Variants in SCP2 observed in about 807,000 individuals in gnomAD.
The protein encoded by SCP2 is sterol carrier protein 2.
SCP2 carries 48 observed loss-of-function variants against 71.4 expected under a neutral mutation model. The observed-to-expected ratio is 0.67, with a 90% CI of 0.53 to 0.86. The LOEUF (loss-of-function observed/expected upper bound fraction) is 0.86, where lower values mean the gene tolerates loss of function less well. Ranked by LOEUF, SCP2 falls within the 40% of genes least tolerant of loss-of-function variation. The pLI, the probability that SCP2 is intolerant of heterozygous loss-of-function variation, is 0.00. For missense variants in SCP2, 560 were observed against 655.6 expected, an observed-to-expected ratio of 0.85 and a Z score of 1.59; for synonymous variants, 220 against 218.1, an observed-to-expected ratio of 1.01 and a Z score of -0.08.
At chr1:52,937,129 A>G (rs1331032708) in intron 1 of SCP2, among the ~76,000 whole-genome samples, 3 of 152,118 alleles carry the variant, frequency 2.0e-5, no homozygotes, top group Non-Finnish European at 4.4e-5. Flanking sequence ...GTGGCAGAAA[A>G]GGTCTGATCC....
intron 13 of SCP2, among the ~76,000 whole-genome samples, chr1:53,036,130 T>C (rs1046839206): frequency 6.6e-6 from 1 of 150,928 alleles, no homozygotes; most frequent in Non-Finnish European, 1.5e-5. Context: ...CTTTTACAAT[T>C]AAAGACTATA....
intron 14 of SCP2, among the ~76,000 whole-genome samples, chr1:53,047,627 T>C (rs1332730666): frequency 1.3e-5 from 2 of 152,254 alleles, no homozygotes; most frequent in African/African-American, 4.8e-5. Flanking sequence ...ACCTCACTAT[T>C]TGAATATACC....
chr1:52,960,480 ATGTGTGTGTG>A (rs71044447), intron 5 of SCP2, among the ~76,000 whole-genome samples: 144 of 139,596 alleles, frequency 1.0e-3, no homozygotes, highest in Middle Eastern at 3.6e-3. Context: ...TACTATGTAT[ATGTGTGTGTG>A]TGTGTGTGTG....
chr1:52,970,815 A>G (rs79298642), intron 6 of SCP2, among the ~76,000 whole-genome samples: 1 of 149,974 alleles, frequency 6.7e-6, no homozygotes, highest in Admixed American at 6.6e-5. Flanking sequence ...TTGGTCTTAT[A>G]TATTTTTTCT....
intron 12 of SCP2, among the ~76,000 whole-genome samples, chr1:53,016,498 T>C (rs1027298756): frequency 1.3e-5 from 2 of 152,122 alleles, no homozygotes; most frequent in African/African-American, 4.8e-5. Flanking sequence ...CCTCTAAATA[T>C]ATGGGGAAGG....
At chr1:53,020,229 C>T (rs1661624213) in intron 12 of SCP2, among the ~76,000 whole-genome samples, 1 of 151,984 alleles carries the variant, frequency 6.6e-6, no homozygotes, top group South Asian at 2.1e-4. Flanking sequence ...CCTTAATCAA[C>T]TTTTTGATCA....
intron 11 of SCP2, chr1:52,993,652 C>T (rs1004309783): frequency 1.2e-6 from 2 of 1,612,400 alleles, no homozygotes; most frequent in Admixed American, 1.7e-5. Context: ...TCACACACTG[C>T]TTTGTGTAAG....
At chr1:52,950,921 C>T in intron 4 of SCP2, 35 bp downstream of exon 4, 2 of 1,599,330 alleles carry the variant, frequency 1.3e-6, no homozygotes, top group Non-Finnish European at 1.7e-6. Context: ...TTAAATATTG[C>T]CCCATTTTAA....
At chr1:52,977,014 G>T (rs1385113619) in intron 8 of SCP2, among the ~76,000 whole-genome samples, 1 of 152,092 alleles carries the variant, frequency 6.6e-6, no homozygotes, top group Non-Finnish European at 1.5e-5. Flanking sequence ...TACCTACTTT[G>T]GTGATTGCAA....
At chr1:52,946,038 C>T (rs1042846217) in intron 2 of SCP2, among the ~76,000 whole-genome samples, 2 of 151,494 alleles carry the variant, frequency 1.3e-5, no homozygotes, top group African/African-American at 2.4e-5. Context: ...AAGCAATCCT[C>T]CTACCTCAGC....
At chr1:53,046,543 G>A (rs1369875972) in intron 14 of SCP2, among the ~76,000 whole-genome samples, 1 of 151,996 alleles carries the variant, frequency 6.6e-6, no homozygotes, top group Non-Finnish European at 1.5e-5. Context: ...TGAGCAGTAG[G>A]AGTTCTTTTT....
At chr1:52,988,779 G>A (rs371175196) in intron 11 of SCP2, among the ~76,000 whole-genome samples, 16 of 150,652 alleles carry the variant, frequency 1.1e-4, no homozygotes, top group South Asian at 8.4e-4. Context: ...CCTGCCTCCC[G>A]GGTTCAAGCC....
At chr1:53,031,125 C>A (rs1266879405) in intron 13 of SCP2, among the ~76,000 whole-genome samples, 1 of 151,992 alleles carries the variant, frequency 6.6e-6, no homozygotes, top group Non-Finnish European at 1.5e-5. Context: ...TTTATTTCAA[C>A]CCTATTCCAT....
Position 53,015,045 on chromosome 1 carries a change from TG to T in SCP2, c.1235+3del. On this transcript the variant is annotated splice_donor_region_variant and intron_variant, in intron 12 of 15. Coordinates refer to ENST00000371514, the MANE Select transcript of SCP2 (RefSeq NM_002979.5). ...GATGGGTTTTCCGGAAGCCGCCAGG[TG>T]AGTGACATTCAGAGTTTTGTGTGTC... 6.2e-7 allele frequency: 1 copy of T among 1,613,956 alleles called. No homozygotes were observed. Among genetic ancestry groups the T allele is most frequent in the Non-Finnish European group, 8.5e-7 (1 of 1,179,818 alleles).
chr1:53,019,889 A>C (rs1244909728), intron 12 of SCP2, among the ~76,000 whole-genome samples: 1 of 152,052 alleles, frequency 6.6e-6, no homozygotes, highest in African/African-American at 2.4e-5. Flanking sequence ...TACCGGAGAC[A>C]GATTTTTGTT....
At chr1:52,927,740 A>G (rs1652599060) in intron 1 of SCP2, among the ~76,000 whole-genome samples, 1 of 151,814 alleles carries the variant, frequency 6.6e-6, no homozygotes, top group African/African-American at 2.4e-5. Context: ...TTCTGAGCGG[A>G]GTCCCGAGGT....
chr1:52,998,001 C>T (rs1214305224), intron 11 of SCP2, among the ~76,000 whole-genome samples: 1 of 152,286 alleles, frequency 6.6e-6, no homozygotes, highest in East Asian at 1.9e-4. Context: ...TCATACAGCA[C>T]ATGTATGTAT....
At chr1:53,038,145 CA>C (rs1051233455) in intron 13 of SCP2, among the ~76,000 whole-genome samples, 2 of 138,324 alleles carry the variant, frequency 1.4e-5, no homozygotes, top group African/African-American at 2.7e-5. Flanking sequence ...GACCTTGTCT[CA>C]AAAAAAAAGA....
rs996941863 is a variant in SCP2, at chr1:52,961,494, C to T, written c.397-9C>T. ...CAGCTGCTTATGAAATTTTGTTCCC[C>T]CCTCTTAGTTTTCAGATAGAACCAT... is the stretch of plus-strand genomic sequence containing the variant. On this transcript the variant is annotated splice_polypyrimidine_tract_variant and intron_variant, in intron 5 of 15. Coordinates refer to ENST00000371514, the MANE Select transcript of SCP2 (RefSeq NM_002979.5). 21 of 1,613,444 alleles carry T rather than the reference C, an allele frequency of 1.3e-5. No individual in the cohort carries two copies. The highest frequency in any genetic ancestry group is 1.8e-5 in the Non-Finnish European group (21 of 1,179,724).
Sources: allele counts gnomAD v4.1 joint callset (sites outside exome capture counted in the v4.1 genomes callset), GRCh38; gene constraint gnomAD v4.1.1; transcripts MANE v1.5; gene names NCBI Gene and HGNC (gene_info 2026-07-23, HGNC 2026-07-21).